ELP4: variants seen among roughly 807,000 people sequenced by gnomAD.
ELP4 encodes elongator complex protein 4.
In ELP4, 51 loss-of-function variants were observed where a neutral mutation model predicts 48.9. That is an observed-to-expected ratio of 1.04 (90% CI 0.83 to 1.32). ELP4 has a LOEUF of 1.32. Ranked by LOEUF, ELP4 falls within the 40% of genes most tolerant of loss-of-function variation. The probability of loss-of-function intolerance (pLI) is 0.00; values close to 1 mark genes in which losing one functional copy is unlikely to be tolerated. For missense variants in ELP4, 519 were observed against 514.6 expected (o/e 1.01, Z -0.08); for synonymous variants, 210 against 189.2 (o/e 1.11, Z -0.90).
intron 9 of ELP4, among the ~76,000 whole-genome samples, chr11:31,704,522 G>T (rs1259708071): frequency 6.6e-6 from 1 of 152,016 alleles, no homozygotes; most frequent in African/African-American, 2.4e-5. Flanking sequence ...AGCATTAGGA[G>T]ATATACCCAA....
At chr11:31,726,827 A>G (rs1478641326) in intron 9 of ELP4, among the ~76,000 whole-genome samples, 2 of 152,184 alleles carry the variant, frequency 1.3e-5, no homozygotes, top group Non-Finnish European at 2.9e-5. Flanking sequence ...ATTATACAAT[A>G]TGAATTGATT....
chr11:31,685,028 A>C (rs910252243), intron 9 of ELP4, among the ~76,000 whole-genome samples: 1 of 152,200 alleles, frequency 6.6e-6, no homozygotes, highest in African/African-American at 2.4e-5. Flanking sequence ...CTTTTACAAA[A>C]AGTTTTGCAG....
chr11:31,591,422 A>AGGG (rs35637930), intron 3 of ELP4, among the ~76,000 whole-genome samples: 5 of 76,562 alleles, frequency 6.5e-5, no homozygotes, highest in African/African-American at 2.6e-4. Context: ...AAAAAAAAAA[A>AGGG]GGGGGGGGGG....
In ELP4 at chr11:31,566,202, C is replaced by CA. The variant is rs1459357076; in HGVS notation, c.381+26426dup. Among the ~76,000 whole-genome samples the CA allele has an allele frequency of 3.3e-5, 5 of 151,814 alleles. No individual in the cohort carries two copies. In the East Asian group the frequency reaches 5.8e-4, roughly 18 times the overall value. Reference sequence around the variant, plus strand: ...GTGAAACCTCGACTCTACTAAAATACAAAAAAATAGCTGAGTGTGGCAGTA... The same window carrying CA: ...GTGAAACCTCGACTCTACTAAAATACAAAAAAAATAGCTGAGTGTGGCAGTA... On this transcript the variant is annotated intron_variant, in intron 3 of 9. Coordinates refer to ENST00000640961, the MANE Select transcript of ELP4 (RefSeq NM_019040.5).
At chr11:31,585,025 T>C (rs1479218335) in intron 3 of ELP4, among the ~76,000 whole-genome samples, 1 of 152,196 alleles carries the variant, frequency 6.6e-6, no homozygotes, top group East Asian at 1.9e-4. Context: ...TTAGGTATTT[T>C]AGGGTAAGAT....
chr11:31,758,179 C>T (rs1947871060), intron 9 of ELP4, among the ~76,000 whole-genome samples: 1 of 152,216 alleles, frequency 6.6e-6, no homozygotes, highest in Non-Finnish European at 1.5e-5. Flanking sequence ...TTCAACACAG[C>T]TTAAAGTTAC....
chr11:31,615,423 G>T (rs1958058605), intron 5 of ELP4, among the ~76,000 whole-genome samples: 1 of 151,916 alleles, frequency 6.6e-6, no homozygotes, highest in Admixed American at 6.6e-5. Context: ...TACAGTAGCT[G>T]GCATAGTAAA....
At chr11:31,630,983 TA>T (rs1401253032) in intron 6 of ELP4, among the ~76,000 whole-genome samples, 1 of 152,066 alleles carries the variant, frequency 6.6e-6, no homozygotes, top group Admixed American at 6.6e-5. Context: ...AACAAAGTCC[TA>T]AGTAATGTGT....
chr11:31,747,587 G>A (rs541809752), intron 9 of ELP4, among the ~76,000 whole-genome samples: 12 of 152,320 alleles, frequency 7.9e-5, no homozygotes, highest in Non-Finnish European at 1.0e-4. Context: ...TGGGCAACCT[G>A]TGGTCACCCA....
chr11:31,665,755 A>G (rs1352244262), intron 9 of ELP4, among the ~76,000 whole-genome samples: 2 of 144,428 alleles, frequency 1.4e-5, no homozygotes, highest in African/African-American at 5.1e-5. Context: ...CCCAGACTCA[A>G]TTGATCCTCC....
intron 3 of ELP4, among the ~76,000 whole-genome samples, chr11:31,546,224 T>G (rs1016766616): frequency 6.6e-6 from 1 of 152,038 alleles, no homozygotes; most frequent in African/African-American, 2.4e-5. Flanking sequence ...ATCAGTGTGC[T>G]GTATTCAGGA....
Position 31,731,836 on chromosome 11 carries a change from A to G in ELP4, c.1144-51557A>G, listed in dbSNP as rs11031463. The stretch of plus-strand genomic sequence containing the variant: ...AACTGAATCATCACAAACAAGGGAA[A>G]CTTCATAAGACTATCGGTGGATTTC... On this transcript the variant is annotated intron_variant, in intron 9 of 9. Transcript: ENST00000640961. Among the ~76,000 whole-genome samples the G allele has an allele frequency of 2.6e-5, 4 of 152,306 alleles. No homozygotes were observed. In the East Asian group the frequency reaches 7.7e-4, roughly 29 times the overall value.
chr11:31,539,564 A>G (rs1956560229), intron 2 of ELP4, 98 bp from the exon 3 acceptor site: 2 of 1,225,062 alleles, frequency 1.6e-6, no homozygotes, highest in South Asian at 3.6e-5. Flanking sequence ...TGTTTTAAGG[A>G]AAAAAAATAT....
intron 9 of ELP4, among the ~76,000 whole-genome samples, chr11:31,711,967 T>G (rs1034874678): frequency 1.3e-5 from 2 of 152,024 alleles, no homozygotes; most frequent in Non-Finnish European, 2.9e-5. Context: ...ACTTGTAATT[T>G]TCTTCTGCTT....
chr11:31,645,073 C>A (rs1945174223), intron 7 of ELP4, among the ~76,000 whole-genome samples: 1 of 151,678 alleles, frequency 6.6e-6, no homozygotes, highest in South Asian at 2.1e-4. Context: ...AACTATATAA[C>A]TAATTTTATG....
chr11:31,698,619 G>A (rs559414784), intron 9 of ELP4, among the ~76,000 whole-genome samples: 4 of 151,998 alleles, frequency 2.6e-5, no homozygotes, highest in Non-Finnish European at 5.9e-5. Flanking sequence ...CAACATATTG[G>A]CCAGGCTGGT....
intron 2 of ELP4, among the ~76,000 whole-genome samples, chr11:31,536,257 A>T (rs900769625): frequency 6.6e-6 from 1 of 151,980 alleles, no homozygotes; most frequent in Non-Finnish European, 1.5e-5. Flanking sequence ...TATATTTTCA[A>T]CTCTCATGGG....
intron 9 of ELP4, among the ~76,000 whole-genome samples, chr11:31,754,700 A>G (rs1412320463): frequency 6.6e-6 from 1 of 152,018 alleles, no homozygotes; most frequent in Non-Finnish European, 1.5e-5. Flanking sequence ...GTGAAACCCT[A>G]TCTCTACTAA....
At chr11:31,625,614 G>A (rs1045145484) in intron 5 of ELP4, among the ~76,000 whole-genome samples, 3 of 151,772 alleles carry the variant, frequency 2.0e-5, no homozygotes, top group African/African-American at 7.2e-5. Context: ...GTTTGGGGTA[G>A]AATTATTATT....
Sources: gnomAD v4.1 joint callset for allele counts (sites outside exome capture counted in the v4.1 genomes callset) on GRCh38, gnomAD v4.1.1 for gene constraint, MANE v1.5 for transcripts, NCBI Gene and HGNC (gene_info 2026-07-23, HGNC 2026-07-21) for gene names.